CDC42BPB: variants seen among roughly 807,000 people sequenced by gnomAD.
CDC42BPB encodes CDC42 binding protein kinase beta.
In CDC42BPB, 37 loss-of-function variants were observed where a neutral mutation model predicts 214.9. The ratio of observed to expected loss-of-function variants is 0.17; its 90% CI spans 0.13 to 0.23. The LOEUF is 0.23. Ranked by LOEUF, CDC42BPB falls within the 10% of genes least tolerant of loss-of-function variation. The probability of loss-of-function intolerance (pLI) is 1.00; values close to 1 mark genes in which losing one functional copy is unlikely to be tolerated. For missense variants in CDC42BPB, 1,694 were observed against 2,227.0 expected (o/e 0.76, Z 4.82); for synonymous variants, 931 against 884.0 (o/e 1.05, Z -0.94).
intron 1 of CDC42BPB, among the ~76,000 whole-genome samples, chr14:103,015,055 G>A (rs1023549742): frequency 1.3e-5 from 2 of 152,076 alleles, no homozygotes; most frequent in Non-Finnish European, 2.9e-5. Context: ...TAATAGTTGT[G>A]TACACATTTC....
chr14:103,041,239 G>A (rs1353479975), intron 1 of CDC42BPB, among the ~76,000 whole-genome samples: 1 of 152,182 alleles, frequency 6.6e-6, no homozygotes, highest in African/African-American at 2.4e-5. Context: ...AAGAATGAAT[G>A]TAACCCCTCT....
intron 21 of CDC42BPB, among the ~76,000 whole-genome samples, chr14:102,957,292 C>T (rs1004222624): frequency 2.0e-5 from 3 of 151,960 alleles, no homozygotes; most frequent in Non-Finnish European, 2.9e-5. Flanking sequence ...GATGCCGCCT[C>T]TGTCTCCATC....
Position 102,944,995 on chromosome 14 carries a change from G to A in CDC42BPB, c.3812-508C>T, listed in dbSNP as rs1246130983. 6.6e-6 allele frequency among the ~76,000 whole-genome samples: 1 copy of A among 151,832 alleles called. No homozygotes were observed. Among genetic ancestry groups the A allele is most frequent in the East Asian group, 1.9e-4 (1 of 5,174 alleles). On this transcript the variant is annotated intron_variant, in intron 29 of 36. Coordinates refer to ENST00000361246, the MANE Select transcript of CDC42BPB (RefSeq NM_006035.4). The surrounding 1 kb of genome is among the most constrained non-coding windows in gnomAD (Gnocchi z 6.6). ...AAGACACTGCCCTCACACTCACACG[G>A]CCCCCAGTGAAGACGCCGCCCTCAC...
intron 5 of CDC42BPB, among the ~76,000 whole-genome samples, chr14:102,993,158 T>C (rs1894573882): frequency 6.6e-6 from 1 of 152,178 alleles, no homozygotes; most frequent in Admixed American, 6.6e-5. Context: ...TTTTCACTAA[T>C]AAAAATCCTC....
chr14:102,967,340 T>G (rs1893257687), intron 16 of CDC42BPB, 170 bp from the exon 17 acceptor site: 1 of 985,452 alleles, frequency 1.0e-6, no homozygotes, highest in South Asian at 4.7e-5. Flanking sequence ...CTAGCTTAAG[T>G]CACATTTCAA....
At chr14:103,043,552 G>A (rs988525694) in intron 1 of CDC42BPB, among the ~76,000 whole-genome samples, 1 of 152,080 alleles carries the variant, frequency 6.6e-6, no homozygotes, top group Non-Finnish European at 1.5e-5. Flanking sequence ...AAGGTTACAG[G>A]GTTCCTTTGG....
chr14:103,044,553 TAG>T (rs1359076679), intron 1 of CDC42BPB, among the ~76,000 whole-genome samples: 2 of 151,732 alleles, frequency 1.3e-5, no homozygotes, highest in African/African-American at 4.8e-5. Flanking sequence ...GTGTTTTTAG[TAG>T]AGATGGGGTT....
chr14:103,003,867 C>T, intron 4 of CDC42BPB, 61 bp downstream of exon 4: 6 of 1,340,240 alleles, frequency 4.5e-6, no homozygotes, highest in South Asian at 3.8e-5. Context: ...TTTTTAGTGA[C>T]AGCATAAAGG....
intron 1 of CDC42BPB, among the ~76,000 whole-genome samples, chr14:103,051,767 A>G (rs1328616676): frequency 1.3e-5 from 2 of 152,244 alleles, no homozygotes; most frequent in African/African-American, 2.4e-5. Context: ...CTTCAAATCC[A>G]ATTTTATTTC....
chr14:103,030,395 C>T (rs1290077513), intron 1 of CDC42BPB, among the ~76,000 whole-genome samples: 1 of 152,204 alleles, frequency 6.6e-6, no homozygotes, highest in Non-Finnish European at 1.5e-5. Context: ...TCAGCCTCAA[C>T]AATTAAATGT....
At chr14:102,990,189 A>G (rs917612193) in intron 5 of CDC42BPB, among the ~76,000 whole-genome samples, 2 of 152,250 alleles carry the variant, frequency 1.3e-5, no homozygotes, top group African/African-American at 4.8e-5. Context: ...ATTCAAACCA[A>G]TGAATCCAAC....
rs146491954 is a variant in CDC42BPB at position 103,045,236 on chromosome 14, C to T, written c.175+11763G>A. Among the ~76,000 whole-genome samples the T allele has an allele frequency of 3.9e-3, 594 of 152,130 alleles. 3 individuals carry two copies. Among genetic ancestry groups the T allele is most frequent in the African/African-American group, 0.012 (502 of 41,500 alleles). On this transcript the variant is annotated intron_variant, in intron 1 of 36. Transcript: ENST00000361246. ...TTCTAGTCACCTTTGCACCTCGCTACGTTATTTATGTTTTTAGAGAATGAT... is the reference window on the plus strand; with the variant it reads ...TTCTAGTCACCTTTGCACCTCGCTATGTTATTTATGTTTTTAGAGAATGAT...
intron 19 of CDC42BPB, among the ~76,000 whole-genome samples, chr14:102,964,066 A>C (rs1050244795): frequency 2.0e-5 from 3 of 152,176 alleles, no homozygotes; most frequent in African/African-American, 7.2e-5. Context: ...GTTAGGGAAA[A>C]ATTTCAAGTG....
At chr14:102,991,956 T>C (rs1166022990) in intron 5 of CDC42BPB, among the ~76,000 whole-genome samples, 5 of 152,246 alleles carry the variant, frequency 3.3e-5, no homozygotes, top group African/African-American at 1.2e-4. Flanking sequence ...CTCAAATTAA[T>C]GTAAATTACA....
In CDC42BPB at chr14:102,963,154, T is replaced by C. The variant is rs1403264413; in HGVS notation, c.2728A>G (p.Lys910Glu). 3 of 1,590,444 alleles carry C rather than the reference T, an allele frequency of 1.9e-6. No homozygotes were observed. The highest frequency in any genetic ancestry group is 2.2e-5 in the East Asian group (1 of 44,740). The change falls in exon 20 of 37, where the codon AAA becomes GAA. Residue 910 changes from lysine to glutamate, a missense_variant and splice_region_variant. Lys to Glu is a moderately conservative substitution (Grantham distance 56). Coordinates refer to ENST00000361246, the MANE Select transcript of CDC42BPB (RefSeq NM_006035.4). ...TTTTTGGCTTCGGAATCCTTTAGTT[T>C]GCTAAAATAAAAAATAAATGGCTTT... is the stretch of plus-strand genomic sequence containing the variant. Reference protein sequence around the residue: ...VKDANLTLESKLKDSEAKNRE... With the variant: ...VKDANLTLESELKDSEAKNRE...
chr14:103,008,914 C>T (rs1049594657), intron 2 of CDC42BPB, among the ~76,000 whole-genome samples: 8 of 152,208 alleles, frequency 5.3e-5, no homozygotes, highest in Admixed American at 3.3e-4. Flanking sequence ...CAGCACTCAG[C>T]GCGCGGCCAC....
chr14:103,007,281 G>A (rs1595137798), intron 3 of CDC42BPB, among the ~76,000 whole-genome samples: 1 of 152,206 alleles, frequency 6.6e-6, no homozygotes, highest in Non-Finnish European at 1.5e-5. Context: ...GCAGGGAAAG[G>A]GGAAATGGGT....
intron 4 of CDC42BPB, among the ~76,000 whole-genome samples, chr14:103,000,924 C>T (rs1008640633): frequency 1.3e-5 from 2 of 152,232 alleles, no homozygotes; most frequent in East Asian, 1.9e-4. Context: ...GCCCAACAGT[C>T]AGACTCCACG....
rs1252043951 is a variant in CDC42BPB, at chr14:102,957,088, C to A, written c.2902-2400G>T. 3.4e-5 allele frequency among the ~76,000 whole-genome samples: 5 copies of A among 144,980 alleles called. No individual in the cohort carries two copies. The East Asian group carries it at 1.0e-3, about 29-fold the overall frequency. Reference sequence around the variant, plus strand: ...TAGTGGCGCGTGCCTGTAGTCCCAGCTACTTGGGATGCTGAGGCACAAGAA... The same window carrying A: ...TAGTGGCGCGTGCCTGTAGTCCCAGATACTTGGGATGCTGAGGCACAAGAA... On this transcript the variant is annotated intron_variant, in intron 21 of 36. Coordinates refer to ENST00000361246, the MANE Select transcript of CDC42BPB (RefSeq NM_006035.4).
Sources: allele counts gnomAD v4.1 joint callset (sites outside exome capture counted in the v4.1 genomes callset), GRCh38; gene constraint gnomAD v4.1.1; non-coding constraint Gnocchi (gnomAD v3.1); transcripts MANE v1.5; gene names NCBI Gene and HGNC (gene_info 2026-07-23, HGNC 2026-07-21).